The following DDAH1 variants were observed in gnomAD, a reference collection of about 807,000 sequenced individuals.
DDAH1 encodes the protein dimethylarginine dimethylaminohydrolase 1.
A neutral mutation model predicts 28.8 loss-of-function variants in DDAH1; 19 were observed. The ratio of observed to expected loss-of-function variants is 0.66; its 90% CI spans 0.46 to 0.97. The LOEUF (loss-of-function observed/expected upper bound fraction) is 0.97. Among genes scored for constraint, DDAH1 ranks in the 50% least tolerant of loss-of-function variants. The pLI, the probability that DDAH1 is intolerant of heterozygous loss-of-function variation, is 0.00. For synonymous variants in DDAH1, 153 were observed against 154.4 expected (o/e 0.99, Z 0.07); for missense variants, 326 against 375.9 (o/e 0.87, Z 1.10).
At chr1:85,521,564 G>C in intron 1 of DDAH1, 11 of 940,194 alleles carry the variant, frequency 1.2e-5, no homozygotes, top group Non-Finnish European at 1.4e-5. Context: ...GTTGTGAGGT[G>C]GGTCACAGGC....
chr1:85,571,445 A>G (rs556418499), intron 1 of DDAH1, among the ~76,000 whole-genome samples: 1 of 152,336 alleles, frequency 6.6e-6, no homozygotes, highest in Admixed American at 6.5e-5. Flanking sequence ...GGTGAGACTC[A>G]GAGTTGGACA....
At chr1:85,567,922 T>C (rs1319159152) in intron 1 of DDAH1, among the ~76,000 whole-genome samples, 2 of 152,210 alleles carry the variant, frequency 1.3e-5, no homozygotes, top group Non-Finnish European at 2.9e-5. Flanking sequence ...CAAGATGGAC[T>C]ATATTCTGGG....
intron 2 of DDAH1, among the ~76,000 whole-genome samples, chr1:85,481,247 G>A (rs1269469503): frequency 6.6e-6 from 1 of 151,802 alleles, no homozygotes; most frequent in African/African-American, 2.4e-5. Context: ...ACAGGTGTGT[G>A]CCACCACACC....
chr1:85,402,422 C>A (rs1652157668), intron 1 of DDAH1, among the ~76,000 whole-genome samples: 2 of 152,112 alleles, frequency 1.3e-5, no homozygotes, highest in African/African-American at 4.8e-5. Flanking sequence ...ACTTGTCAAA[C>A]TATTCTTATA....
At chr1:85,507,819 A>G (rs1163934208) in intron 1 of DDAH1, among the ~76,000 whole-genome samples, 2 of 152,152 alleles carry the variant, frequency 1.3e-5, no homozygotes, top group African/African-American at 2.4e-5. Context: ...CTTTTGGAGG[A>G]ATAAAAAGAA....
At position 85,462,194 on chromosome 1, in the gene DDAH1, G is replaced by A. The variant is rs559966116; in HGVS notation, c.303+2549C>T. On this transcript the variant is annotated intron_variant, in intron 1 of 5. Transcript: ENST00000284031. ...AAGAGAGGAAAGAGGAAGAGTACCC[G>A]GACAAAATAAAAGCAATAGTCTGGT... Among the ~76,000 whole-genome samples the A allele has an allele frequency of 6.4e-4, 98 of 152,240 alleles. 1 individual carries two copies. The highest frequency in any genetic ancestry group is 3.4e-3 in the Middle Eastern group (1 of 294).
At chr1:85,329,340 C>T (rs1158244801) in intron 4 of DDAH1, among the ~76,000 whole-genome samples, 4 of 152,176 alleles carry the variant, frequency 2.6e-5, no homozygotes, top group Non-Finnish European at 4.4e-5. Flanking sequence ...ACCTCACCTC[C>T]TTGAGTGAAC....
intron 1 of DDAH1, among the ~76,000 whole-genome samples, chr1:85,387,335 T>C (rs1651324981): frequency 6.6e-6 from 1 of 152,224 alleles, no homozygotes; most frequent in East Asian, 1.9e-4. Context: ...TATCTGATTA[T>C]AGGCTGTTAG....
intron 1 of DDAH1, among the ~76,000 whole-genome samples, chr1:85,570,395 C>CACACACAT (rs1018150712): frequency 6.6e-6 from 1 of 150,592 alleles, no homozygotes; most frequent in African/African-American, 2.5e-5. Context: ...CACACACACA[C>CACACACAT]ATCTCAGTGC....
chr1:85,453,538 C>T (rs1024708345), intron 1 of DDAH1, among the ~76,000 whole-genome samples: 6 of 152,166 alleles, frequency 3.9e-5, no homozygotes, highest in African/African-American at 1.4e-4. Context: ...GAATACATTC[C>T]ACTCTTAGTA....
intron 1 of DDAH1, among the ~76,000 whole-genome samples, chr1:85,452,780 T>C (rs1157128317): frequency 6.6e-6 from 1 of 152,142 alleles, no homozygotes; most frequent in Admixed American, 6.5e-5. Flanking sequence ...ACGACCTGCA[T>C]GGAGGTGATC....
chr1:85,350,538 C>T lies in DDAH1; in HGVS notation c.478-4G>A, dbSNP rs373149957. 84 of 1,610,442 alleles carry T rather than the reference C, an allele frequency of 5.2e-5. 1 individual carries two copies. The highest frequency in any genetic ancestry group is 3.1e-4 in the South Asian group (28 of 90,328). On this transcript the variant is annotated splice_region_variant and splice_polypyrimidine_tract_variant and intron_variant, in intron 3 of 5. Transcript: ENST00000284031. ...GCACTGTGGAGACTGCATAGTCCTA[C>T]GTGGACAATAGAAAAACAAGCAGTT...
intron 4 of DDAH1, among the ~76,000 whole-genome samples, chr1:85,338,404 A>C: frequency 6.6e-6 from 1 of 152,122 alleles, no homozygotes; most frequent in African/African-American, 2.4e-5. Flanking sequence ...TTTCCTTCAT[A>C]TGAGAGCTAT....
chr1:85,330,589 T>C (rs1647700308), intron 4 of DDAH1, among the ~76,000 whole-genome samples: 1 of 152,152 alleles, frequency 6.6e-6, no homozygotes, highest in South Asian at 2.1e-4. Context: ...GCAGATTACT[T>C]GATATCCTGA....
chr1:85,436,579 A>C (rs757965331), intron 1 of DDAH1, among the ~76,000 whole-genome samples: 9 of 152,186 alleles, frequency 5.9e-5, no homozygotes, highest in Non-Finnish European at 1.3e-4. Flanking sequence ...CTCAGGCACA[A>C]AGTGTTGCTG....
intron 5 of DDAH1, among the ~76,000 whole-genome samples, 188 bp from the exon 6 acceptor site, chr1:85,321,756 G>T (rs926710543): frequency 6.6e-6 from 1 of 152,124 alleles, no homozygotes; most frequent in Admixed American, 6.5e-5. Context: ...TTAACCACTA[G>T]CCCTGTGCTT....
chr1:85,481,025 T>C (rs2100716338), intron 2 of DDAH1, among the ~76,000 whole-genome samples: 1 of 151,826 alleles, frequency 6.6e-6, no homozygotes, highest in East Asian at 1.9e-4. Flanking sequence ...TTTAAAATTT[T>C]ATGTGTTTTC....
intron 2 of DDAH1, among the ~76,000 whole-genome samples, chr1:85,356,049 G>C (rs950849440): frequency 6.6e-6 from 1 of 152,212 alleles, no homozygotes; most frequent in African/African-American, 2.4e-5. Context: ...GGTCAGGGGA[G>C]AGGCTGGTTT....
chr1:85,397,160 T>C (rs201475512), intron 1 of DDAH1, among the ~76,000 whole-genome samples: 2 of 152,252 alleles, frequency 1.3e-5, no homozygotes, highest in Non-Finnish European at 2.9e-5. Flanking sequence ...AGCTGCATCA[T>C]TATAGACTCT....
Sources: allele counts gnomAD v4.1 joint callset (sites outside exome capture counted in the v4.1 genomes callset), GRCh38; gene constraint gnomAD v4.1.1; transcripts MANE v1.5; gene names NCBI Gene and HGNC (gene_info 2026-07-23, HGNC 2026-07-21).